Variants in DMRT1 observed in about 807,000 individuals in gnomAD.
The protein encoded by DMRT1 is doublesex- and mab-3-related transcription factor 1.
A neutral mutation model predicts 32.3 loss-of-function variants in DMRT1; 7 were observed. That is an observed-to-expected ratio of 0.22 (90% CI 0.12 to 0.41). DMRT1 has a LOEUF of 0.41. Among genes scored for constraint, DMRT1 ranks in the 10% least tolerant of loss-of-function variants. The probability of loss-of-function intolerance (pLI) is 1.00; values close to 1 mark genes in which losing one functional copy is unlikely to be tolerated. For missense variants in DMRT1, 625 were observed against 500.5 expected, an observed-to-expected ratio of 1.25 and a Z score of -2.37; for synonymous variants, 278 against 206.1, an observed-to-expected ratio of 1.35 and a Z score of -2.99.
At chr9:915,958 T>C (rs994708618) in intron 3 of DMRT1, among the ~76,000 whole-genome samples, 2 of 152,064 alleles carry the variant, frequency 1.3e-5, no homozygotes, top group African/African-American at 2.4e-5. Flanking sequence ...TGATCTCGAT[T>C]TCCTGACCTT....
rs371937719 is a variant in DMRT1 at position 902,054 on chromosome 9, C to T, written c.822+7859C>T. On this transcript the variant is annotated intron_variant, in intron 3 of 4. Transcript: ENST00000382276. ...CGTCCTGAGTAGCTGGGATTACAGGCGTGCACCACCACGCCCAGCTAATTT... is the reference window on the plus strand; with the variant it reads ...CGTCCTGAGTAGCTGGGATTACAGGTGTGCACCACCACGCCCAGCTAATTT... Among the ~76,000 whole-genome samples the T allele has an allele frequency of 1.3e-3, 196 of 151,472 alleles. 1 individual carries two copies. The highest frequency in any genetic ancestry group is 1.7e-3 in the Non-Finnish European group (114 of 67,906).
At chr9:903,093 C>T (rs1470074600) in intron 3 of DMRT1, among the ~76,000 whole-genome samples, 1 of 152,184 alleles carries the variant, frequency 6.6e-6, no homozygotes, top group African/African-American at 2.4e-5. Flanking sequence ...CAAGTCTTAG[C>T]CATGCCTATG....
chr9:870,441 C>T (rs1287481067), intron 2 of DMRT1, among the ~76,000 whole-genome samples: 1 of 151,276 alleles, frequency 6.6e-6, no homozygotes, highest in East Asian at 1.9e-4. Context: ...GCTCTGGTCG[C>T]CATCCTGTGG....
chr9:924,401 C>G (rs561520280), intron 4 of DMRT1, among the ~76,000 whole-genome samples: 1 of 152,238 alleles, frequency 6.6e-6, no homozygotes, highest in African/African-American at 2.4e-5. Flanking sequence ...TCAGTTACAT[C>G]TGGAAAGTGG....
At chr9:843,221 C>T (rs1838765022) in intron 1 of DMRT1, among the ~76,000 whole-genome samples, 1 of 152,230 alleles carries the variant, frequency 6.6e-6, no homozygotes, top group Non-Finnish European at 1.5e-5. Context: ...GGAGGCTCGG[C>T]CGGCTGCTGC....
intron 4 of DMRT1, among the ~76,000 whole-genome samples, chr9:922,421 A>G (rs1005795142): frequency 2.0e-5 from 3 of 152,088 alleles, no homozygotes; most frequent in African/African-American, 7.2e-5. Context: ...CTTTGAAATG[A>G]TGCTTCCCCA....
intron 4 of DMRT1, among the ~76,000 whole-genome samples, chr9:964,495 G>C (rs1819870894): frequency 6.6e-6 from 1 of 151,930 alleles, no homozygotes; most frequent in East Asian, 1.9e-4. Flanking sequence ...AGATGGGCAA[G>C]TTTTCCTTTT....
At chr9:859,209 T>C (rs1266461551) in intron 2 of DMRT1, among the ~76,000 whole-genome samples, 2 of 152,202 alleles carry the variant, frequency 1.3e-5, no homozygotes, top group African/African-American at 4.8e-5. Flanking sequence ...CCTGTATTGC[T>C]GACTTCTTCC....
At chr9:877,601 C>G (rs987411313) in intron 2 of DMRT1, among the ~76,000 whole-genome samples, 3 of 152,178 alleles carry the variant, frequency 2.0e-5, no homozygotes, top group Non-Finnish European at 4.4e-5. Flanking sequence ...AACAGAACTC[C>G]TCCTCCCATT....
intron 1 of DMRT1, among the ~76,000 whole-genome samples, chr9:843,284 G>T (rs917412650): frequency 6.6e-6 from 1 of 152,242 alleles, no homozygotes; most frequent in African/African-American, 2.4e-5. Context: ...AAAAGTCGCT[G>T]CAATGGACAC....
At chr9:843,244 C>T (rs918462135) in intron 1 of DMRT1, among the ~76,000 whole-genome samples, 3 of 152,206 alleles carry the variant, frequency 2.0e-5, no homozygotes, top group Non-Finnish European at 2.9e-5. Flanking sequence ...ACGCGGGTAA[C>T]CTGTCGGAAA....
chr9:961,831 A>G (rs139782055), intron 4 of DMRT1, among the ~76,000 whole-genome samples: 1 of 152,346 alleles, frequency 6.6e-6, no homozygotes, highest in East Asian at 1.9e-4. Context: ...AGAGGAATTA[A>G]GGAAACTAAT....
Position 967,999 on chromosome 9 carries a change from A to C in DMRT1, c.982A>C (p.Ser328Arg). 1 of 1,613,784 alleles carries C rather than the reference A, an allele frequency of 6.2e-7. No homozygotes were observed. ...TCACTTCGCAGTATTCTCGCCGCCC[A>C]GCAGTCAAGATTCTGGCTTGGTTTC... Reference protein sequence around the residue: ...EARASVFSPPSSQDSGLVSLS... With the variant: ...EARASVFSPPRSQDSGLVSLS... The change falls in exon 5 of 5, where the codon AGC becomes CGC. Residue 328 changes from serine to arginine, a missense_variant. Around this residue, in one of 3 missense-constraint regions of DMRT1, gnomAD observed 416 missense variants for 321.6 expected, o/e 1.29. Coordinates refer to ENST00000382276, the MANE Select transcript of DMRT1 (RefSeq NM_021951.3).
intron 2 of DMRT1, among the ~76,000 whole-genome samples, chr9:885,000 A>T (rs760441622): frequency 2.0e-4 from 31 of 152,220 alleles, no homozygotes; most frequent in Non-Finnish European, 3.5e-4. Context: ...ATCTAACTTC[A>T]TATTTCCATT....
chr9:880,787 G>C (rs1052303224), intron 2 of DMRT1, among the ~76,000 whole-genome samples: 6 of 151,404 alleles, frequency 4.0e-5, no homozygotes, highest in African/African-American at 1.5e-4. Context: ...TTTGCCATGT[G>C]CTAAGGACCA....
intron 2 of DMRT1, among the ~76,000 whole-genome samples, chr9:853,621 C>T (rs953192700): frequency 6.6e-6 from 1 of 151,588 alleles, no homozygotes; most frequent in African/African-American, 2.4e-5. Flanking sequence ...TACAGGCATG[C>T]ACCACCAAAC....
At chr9:915,986 G>C (rs1818166460) in intron 3 of DMRT1, among the ~76,000 whole-genome samples, 1 of 152,086 alleles carries the variant, frequency 6.6e-6, no homozygotes, top group Non-Finnish European at 1.5e-5. Context: ...GCCCATCTTG[G>C]CCTCCCAAAG....
chr9:912,229 A>G (rs549423675), intron 3 of DMRT1, among the ~76,000 whole-genome samples: 9 of 152,318 alleles, frequency 5.9e-5, no homozygotes, highest in African/African-American at 2.2e-4. Flanking sequence ...GATTGGGGCA[A>G]CCGCCCCCAT....
chr9:846,866 G>C lies in DMRT1; in HGVS notation c.355-94G>C, dbSNP rs562969333. ...TTTTCAGACCTCACCTCCAGAGCTAGTGAATCATGGTGTCTGGGATGGGTG... is the reference window on the plus strand; with the variant it reads ...TTTTCAGACCTCACCTCCAGAGCTACTGAATCATGGTGTCTGGGATGGGTG... On this transcript the variant is annotated intron_variant, in intron 1 of 4. Transcript: ENST00000382276. The C allele has an allele frequency of 2.4e-5, 35 of 1,458,716 alleles. No individual in the cohort carries two copies. In the African/African-American group the frequency reaches 4.0e-4, roughly 17 times the overall value. 90.4% of individuals were successfully genotyped at this position (1,458,716 alleles called of 1,614,324 possible).
Sources: allele counts gnomAD v4.1 joint callset (sites outside exome capture counted in the v4.1 genomes callset), GRCh38; gene constraint gnomAD v4.1.1; regional missense constraint gnomAD v4.1.1; transcripts MANE v1.5; gene names NCBI Gene and HGNC (gene_info 2026-07-23, HGNC 2026-07-21).